The following FMN1 variants were observed in gnomAD, a reference collection of about 807,000 sequenced individuals.
FMN1 encodes the protein formin 1, also known as formin-1.
Under a neutral mutation model 132.4 loss-of-function variants are expected in FMN1, and 110 were observed. The observed-to-expected ratio is 0.83, with a 90% CI of 0.71 to 0.97. The LOEUF is 0.97. FMN1 is among the 50% of genes least tolerant of loss of function. The pLI, the probability that FMN1 is intolerant of heterozygous loss-of-function variation, is 0.00. For synonymous variants in FMN1, 722 were observed against 651.7 expected (o/e 1.11, Z -1.64); for missense variants, 1,792 against 1,705.3 (o/e 1.05, Z -0.90).
intron 6 of FMN1, among the ~76,000 whole-genome samples, chr15:33,009,152 T>C (rs1442971101): frequency 1.3e-5 from 2 of 152,220 alleles, no homozygotes; most frequent in Admixed American, 1.3e-4. Context: ...CAGAAAGTTC[T>C]GTGGGTTCTA....
At chr15:33,003,862 C>A (rs1477703240) in intron 7 of FMN1, among the ~76,000 whole-genome samples, 1 of 152,136 alleles carries the variant, frequency 6.6e-6, no homozygotes, top group African/African-American at 2.4e-5. Context: ...ATCAATGGAA[C>A]AGAACAGAGC....
intron 3 of FMN1, among the ~76,000 whole-genome samples, chr15:33,160,945 A>C (rs1359314227): frequency 6.6e-6 from 1 of 152,236 alleles, no homozygotes; most frequent in Admixed American, 6.5e-5. Context: ...TCCTAATGAG[A>C]AATGATTGCC....
intron 16 of FMN1, among the ~76,000 whole-genome samples, chr15:32,867,646 G>A (rs1244698172): frequency 6.6e-6 from 1 of 151,884 alleles, no homozygotes; most frequent in Non-Finnish European, 1.5e-5. Flanking sequence ...CCCGCTCCCT[G>A]TGCAAAGGCT....
intron 10 of FMN1, among the ~76,000 whole-genome samples, chr15:32,913,204 A>T (rs192413519): frequency 6.6e-6 from 1 of 152,322 alleles, no homozygotes; most frequent in Admixed American, 6.5e-5. Context: ...AACTCTAATT[A>T]CAAAAAATAA....
intron 16 of FMN1, among the ~76,000 whole-genome samples, chr15:32,872,293 T>C (rs1418921479): frequency 6.6e-6 from 1 of 152,208 alleles, no homozygotes; most frequent in Non-Finnish European, 1.5e-5. Context: ...GTGAAGAACA[T>C]ATAGAGCCTA....
chr15:32,799,028 G>A, intron 18 of FMN1, 75 bp from the exon 19 acceptor site: 1 of 1,258,996 alleles, frequency 7.9e-7, no homozygotes, highest in South Asian at 1.5e-5. Context: ...TTAGAGGGGG[G>A]ATGCTGGGGG....
rs201435502 is a variant in FMN1, at chr15:33,163,574, G to A, written c.-131-8529C>T. Reference sequence around the variant, plus strand: ...CTCCCAAAGTGCTGGGATTACAGGCGTGAGCTACCATGCCTGGCTGTTTTG... The same window carrying A: ...CTCCCAAAGTGCTGGGATTACAGGCATGAGCTACCATGCCTGGCTGTTTTG... On this transcript the variant is annotated intron_variant, in intron 3 of 20. Transcript: ENST00000616417. 1.7e-4 allele frequency among the ~76,000 whole-genome samples: 26 copies of A among 149,652 alleles called. No individual in the cohort carries two copies. In the East Asian group the frequency reaches 3.3e-3, roughly 19 times the overall value.
intron 4 of FMN1, chr15:33,149,787 C>T: frequency 1.0e-6 from 1 of 984,600 alleles, no homozygotes; most frequent in Non-Finnish European, 1.2e-6. Flanking sequence ...CGTGACGCTT[C>T]TTTACAATTT....
chr15:32,915,468 C>T (rs1006520819), intron 10 of FMN1, among the ~76,000 whole-genome samples: 3 of 152,202 alleles, frequency 2.0e-5, no homozygotes, highest in African/African-American at 4.8e-5. Context: ...AAACTATTTT[C>T]GGCGTCACCC....
chr15:33,150,652 G>T, intron 4 of FMN1: 1 of 985,440 alleles, frequency 1.0e-6, no homozygotes, highest in Non-Finnish European at 1.2e-6. Flanking sequence ...ATTACTACTT[G>T]CCTCTAACAT....
intron 10 of FMN1, among the ~76,000 whole-genome samples, chr15:32,922,920 T>A (rs79452571): frequency 0.084 from 12,755 of 152,290 alleles, 739 homozygotes; most frequent in Non-Finnish European, 0.12. Flanking sequence ...GAAATGACAT[T>A]TTAATGGGGA....
chr15:32,854,281 A>G (rs1335041945), intron 17 of FMN1, among the ~76,000 whole-genome samples: 2 of 152,214 alleles, frequency 1.3e-5, no homozygotes, highest in Non-Finnish European at 2.9e-5. Context: ...GCTTCTCAAA[A>G]GCCACATGTG....
At chr15:33,184,525 G>T (rs1965812411) in intron 2 of FMN1, among the ~76,000 whole-genome samples, 1 of 138,870 alleles carries the variant, frequency 7.2e-6, no homozygotes, top group Admixed American at 7.6e-5. Flanking sequence ...CCCTGAGACA[G>T]AATCGCACTC....
At chr15:32,897,135 T>C (rs1361707468) in intron 15 of FMN1, among the ~76,000 whole-genome samples, 1 of 152,238 alleles carries the variant, frequency 6.6e-6, no homozygotes, top group Non-Finnish European at 1.5e-5. Context: ...CTAAAAGGCA[T>C]GATGGGCTAT....
At chr15:32,994,109 A>G (rs913223758) in intron 7 of FMN1, among the ~76,000 whole-genome samples, 2 of 152,116 alleles carry the variant, frequency 1.3e-5, no homozygotes, top group Admixed American at 1.3e-4. Flanking sequence ...TCAGTGAGAT[A>G]GCATATTAAC....
chr15:32,772,771 T>G lies in FMN1; in HGVS notation c.*1539A>C, dbSNP rs186928447. 6.6e-6 allele frequency: 1 copy of G among 152,262 alleles called. No homozygotes were observed. The highest frequency in any genetic ancestry group is 2.4e-5 in the African/African-American group (1 of 41,464). 9.4% of individuals were successfully genotyped at this position (152,262 alleles called of 1,614,324 possible). ...TCTCGAAGCTGACATTAGATTAGGA[T>G]ATGGTGCTGCTTTCATTACTGGATC... On this transcript the variant is annotated 3_prime_UTR_variant, in exon 21 of 21. Coordinates refer to ENST00000616417, the MANE Select transcript of FMN1 (RefSeq NM_001277313.2).
chr15:33,160,217 G>A (rs1964833794), intron 3 of FMN1, among the ~76,000 whole-genome samples: 1 of 152,124 alleles, frequency 6.6e-6, no homozygotes, highest in Admixed American at 6.5e-5. Context: ...ACTTCCCAGG[G>A]CCTAGGCTGG....
intron 17 of FMN1, among the ~76,000 whole-genome samples, chr15:32,818,719 G>A (rs930681034): frequency 1.3e-5 from 2 of 152,032 alleles, no homozygotes; most frequent in African/African-American, 4.8e-5. Context: ...AAATATTGAG[G>A]ATCAGTATAT....
intron 17 of FMN1, among the ~76,000 whole-genome samples, chr15:32,855,623 G>A (rs1300479028): frequency 1.3e-5 from 2 of 152,120 alleles, no homozygotes; most frequent in African/African-American, 4.8e-5. Context: ...ACAGCATGCA[G>A]GTAAATAGTA....
Sources: allele counts gnomAD v4.1 joint callset (sites outside exome capture counted in the v4.1 genomes callset), GRCh38; gene constraint gnomAD v4.1.1; transcripts MANE v1.5; gene names NCBI Gene and HGNC (gene_info 2026-07-23, HGNC 2026-07-21).